ITFG1: variants seen among roughly 807,000 people sequenced by gnomAD.
ITFG1 encodes integrin alpha FG-GAP repeat containing 1.
A neutral mutation model predicts 81.8 loss-of-function variants in ITFG1; 34 were observed. The observed-to-expected ratio is 0.42, with a 90% confidence interval of 0.32 to 0.55. The LOEUF (loss-of-function observed/expected upper bound fraction) is 0.55, where lower values mean the gene tolerates loss of function less well. ITFG1 is among the 20% of genes least tolerant of loss of function. The pLI is 0.17. For missense variants in ITFG1, 672 were observed against 755.4 expected, an observed-to-expected ratio of 0.89 and a Z score of 1.29; for synonymous variants, 285 against 270.6, an observed-to-expected ratio of 1.05 and a Z score of -0.52.
At chr16:47,363,003 C>T (rs1968128995) in intron 8 of ITFG1, among the ~76,000 whole-genome samples, 1 of 152,026 alleles carries the variant, frequency 6.6e-6, no homozygotes, top group African/African-American at 2.4e-5. Flanking sequence ...CTCAAGTGAT[C>T]CTCCCACATC....
At chr16:47,446,868 T>C (rs951400143) in intron 5 of ITFG1, among the ~76,000 whole-genome samples, 8 of 143,172 alleles carry the variant, frequency 5.6e-5, no homozygotes, top group African/African-American at 2.0e-4. Flanking sequence ...TGGTTTTTTC[T>C]TTTTTTTTTT....
intron 2 of ITFG1, among the ~76,000 whole-genome samples, chr16:47,458,263 T>G (rs948942721): frequency 6.6e-6 from 1 of 152,228 alleles, no homozygotes; most frequent in African/African-American, 2.4e-5. Flanking sequence ...CTCCCCGAAG[T>G]GTACCTTCCA....
intron 12 of ITFG1, among the ~76,000 whole-genome samples, chr16:47,255,680 T>C (rs989940248): frequency 3.9e-5 from 6 of 152,200 alleles, no homozygotes; most frequent in African/African-American, 1.4e-4. Flanking sequence ...ATTTATTGAA[T>C]GTCTCCTATG....
At chr16:47,414,118 G>T (rs1968844425) in intron 6 of ITFG1, among the ~76,000 whole-genome samples, 1 of 151,948 alleles carries the variant, frequency 6.6e-6, no homozygotes, top group South Asian at 2.1e-4. Context: ...ACCACGCCCA[G>T]CCGAGATGTA....
chr16:47,273,883 C>G (rs1192639541), intron 10 of ITFG1, among the ~76,000 whole-genome samples: 1 of 151,678 alleles, frequency 6.6e-6, no homozygotes, highest in Non-Finnish European at 1.5e-5. Flanking sequence ...TCACTGCAAA[C>G]TCCTCCTCCA....
intron 8 of ITFG1, among the ~76,000 whole-genome samples, chr16:47,352,149 G>A (rs928965700): frequency 6.6e-6 from 1 of 152,088 alleles, no homozygotes; most frequent in Non-Finnish European, 1.5e-5. Context: ...TTGGCATGGG[G>A]AAGGACTTCA....
chr16:47,309,241 A>G (rs542041821), intron 10 of ITFG1, among the ~76,000 whole-genome samples: 21 of 151,824 alleles, frequency 1.4e-4, no homozygotes, highest in African/African-American at 4.8e-4. Flanking sequence ...GCTAATTTTT[A>G]TATTTTTAAT....
At chr16:47,370,929 C>T (rs1470650181) in intron 7 of ITFG1, among the ~76,000 whole-genome samples, 2 of 152,206 alleles carry the variant, frequency 1.3e-5, no homozygotes, top group African/African-American at 2.4e-5. Context: ...TTGTTAATCG[C>T]AGTCATCCTG....
chr16:47,185,885 A>G (rs1419254464), intron 14 of ITFG1, among the ~76,000 whole-genome samples: 1 of 152,230 alleles, frequency 6.6e-6, no homozygotes, highest in East Asian at 1.9e-4. Flanking sequence ...AGAAGAAAAG[A>G]GAGAAGAATC....
intron 10 of ITFG1, among the ~76,000 whole-genome samples, chr16:47,269,491 A>C (rs983874193): frequency 2.0e-5 from 3 of 151,488 alleles, no homozygotes; most frequent in African/African-American, 7.3e-5. Flanking sequence ...TCTATTAAAA[A>C]AAAAAAAAAA....
At chr16:47,370,776 C>T (rs1464382692) in intron 7 of ITFG1, among the ~76,000 whole-genome samples, 1 of 152,220 alleles carries the variant, frequency 6.6e-6, no homozygotes, top group Non-Finnish European at 1.5e-5. Flanking sequence ...CAAACACAGC[C>T]TGCCGGGTCG....
In ITFG1 at chr16:47,451,473, GA is replaced by G. The variant is rs770901745; in HGVS notation, c.486-4del. On this transcript the variant is annotated splice_polypyrimidine_tract_variant and splice_region_variant and intron_variant, in intron 4 of 17. Coordinates refer to ENST00000320640, the MANE Select transcript of ITFG1 (RefSeq NM_030790.5). ...CAGGAATTAGATCACCATTGAAACT[GA>G]AAAAAAATTAAAACAATAAGCAGCT... is the stretch of plus-strand genomic sequence containing the variant. The G allele has an allele frequency of 4.4e-5, 65 of 1,493,610 alleles. No homozygotes were observed. Among genetic ancestry groups the G allele is most frequent in the Admixed American group, 5.5e-5 (3 of 54,702 alleles). 92.5% of individuals were successfully genotyped at this position (1,493,610 alleles called of 1,614,324 possible). A position where few individuals can be genotyped will look rare whatever the true frequency, so the allele number is the denominator to read the frequency against.
intron 14 of ITFG1, among the ~76,000 whole-genome samples, chr16:47,205,473 GA>G (rs1965481363): frequency 6.6e-6 from 1 of 152,144 alleles, no homozygotes; most frequent in South Asian, 2.1e-4. Context: ...ATCGGGATGA[GA>G]AAAAGTAAAT....
intron 14 of ITFG1, among the ~76,000 whole-genome samples, chr16:47,201,259 A>G (rs1430290459): frequency 2.1e-5 from 3 of 142,758 alleles, no homozygotes; most frequent in Admixed American, 7.3e-5. Flanking sequence ...CCCAGGCTGG[A>G]GTGCAGTGGT....
intron 8 of ITFG1, among the ~76,000 whole-genome samples, chr16:47,347,231 C>T (rs1428643399): frequency 4.6e-5 from 7 of 152,332 alleles, no homozygotes; most frequent in African/African-American, 1.2e-4. Context: ...GAGCGTGAGC[C>T]GAAGCAGGGC....
At chr16:47,217,010 T>C (rs1965633055) in intron 14 of ITFG1, among the ~76,000 whole-genome samples, 1 of 152,186 alleles carries the variant, frequency 6.6e-6, no homozygotes, top group East Asian at 1.9e-4. Flanking sequence ...TGTTGTATTG[T>C]TGTATTATAG....
chr16:47,275,177 G>A (rs1341440315), intron 10 of ITFG1, among the ~76,000 whole-genome samples: 1 of 151,984 alleles, frequency 6.6e-6, no homozygotes, highest in Non-Finnish European at 1.5e-5. Flanking sequence ...TGACATGTAT[G>A]AATCTGTTAT....
intron 5 of ITFG1, among the ~76,000 whole-genome samples, chr16:47,440,995 C>T (rs374516550): frequency 7.9e-5 from 12 of 151,986 alleles, no homozygotes; most frequent in Non-Finnish European, 1.2e-4. Context: ...TAAAAAATGA[C>T]AAAGGGGATA....
Position 47,155,618 on chromosome 16 carries a change from A to C in ITFG1, c.*101T>G. 1.3e-6 allele frequency: 1 copy of C among 750,556 alleles called. No individual in the cohort carries two copies. The highest frequency in any genetic ancestry group is 2.3e-6 in the Non-Finnish European group (1 of 442,046). 46.5% of individuals were successfully genotyped at this position (750,556 alleles called of 1,614,324 possible). ...TCCAATAATTACCATGGGATACATC[A>C]TTTATAAATAATATTTAATCTCCCC... On this transcript the variant is annotated 3_prime_UTR_variant, in exon 18 of 18. Coordinates refer to ENST00000320640, the MANE Select transcript of ITFG1 (RefSeq NM_030790.5).
Sources: allele counts gnomAD v4.1 joint callset (sites outside exome capture counted in the v4.1 genomes callset), GRCh38; gene constraint gnomAD v4.1.1; transcripts MANE v1.5; gene names NCBI Gene and HGNC (gene_info 2026-07-23, HGNC 2026-07-21).